EGFR: variants seen among roughly 807,000 people sequenced by gnomAD.
EGFR encodes epidermal growth factor receptor, also known as avian erythroblastic leukemia viral (v-erb-b) oncogene homolog.
A neutral mutation model predicts 143.0 loss-of-function variants in EGFR; 58 were observed. The observed-to-expected ratio is 0.41, with a 90% CI of 0.33 to 0.50. The LOEUF is 0.50. EGFR is among the 20% of genes least tolerant of loss of function. The pLI is 0.39. For missense variants in EGFR, 1,307 were observed against 1,579.0 expected, an observed-to-expected ratio of 0.83 and a Z score of 2.92; for synonymous variants, 613 against 594.4, an observed-to-expected ratio of 1.03 and a Z score of -0.45.
intron 1 of EGFR, among the ~76,000 whole-genome samples, chr7:55,020,173 T>C (rs907123349): frequency 3.3e-5 from 5 of 152,152 alleles, no homozygotes; most frequent in African/African-American, 1.2e-4. Flanking sequence ...GCCGCTCGCC[T>C]CGCCCGGTGC....
At chr7:55,056,448 A>G (rs1199450688) in intron 1 of EGFR, among the ~76,000 whole-genome samples, 1 of 152,254 alleles carries the variant, frequency 6.6e-6, no homozygotes, top group Non-Finnish European at 1.5e-5. Context: ...ATTTGAAAAT[A>G]TGATTAGAAC....
In EGFR at chr7:55,181,343, G is replaced by A. The variant is rs397517118; in HGVS notation, c.2334G>A (p.Leu778=). The change falls in exon 20 of 28, where the codon CTG becomes CTA. Residue 778 remains leucine, a synonymous_variant. Transcript: ENST00000275493. Reference sequence around the variant, plus strand: ...ACAACCCCCACGTGTGCCGCCTGCTGGGCATCTGCCTCACCTCCACCGTGC... The same window carrying A: ...ACAACCCCCACGTGTGCCGCCTGCTAGGCATCTGCCTCACCTCCACCGTGC... The part of the protein sequence containing the change: ...SVDNPHVCRL[L]GICLTSTVQL... 2.5e-6 allele frequency: 4 copies of A among 1,614,078 alleles called. No individual in the cohort carries two copies. The African/African-American group carries it at 4.0e-5, about 16-fold the overall frequency.
At chr7:55,147,764 C>G (rs1334206699) in intron 4 of EGFR, among the ~76,000 whole-genome samples, 1 of 152,240 alleles carries the variant, frequency 6.6e-6, no homozygotes, top group Non-Finnish European at 1.5e-5. Context: ...ACCCATTAGA[C>G]AGTAACTCTC....
At chr7:55,154,828 A>C (rs1178511176) in intron 7 of EGFR, among the ~76,000 whole-genome samples, 1 of 152,170 alleles carries the variant, frequency 6.6e-6, no homozygotes, top group African/African-American at 2.4e-5. Context: ...AGGGGAGATT[A>C]ACTGAGAAAA....
chr7:55,030,206 ATTGGG>A (rs143018731), intron 1 of EGFR, among the ~76,000 whole-genome samples: 2,132 of 152,292 alleles, frequency 0.014, 53 homozygotes, highest in African/African-American at 0.049. Flanking sequence ...TCAAGACGTC[ATTGGG>A]TTTTTTAGCT....
intron 1 of EGFR, among the ~76,000 whole-genome samples, chr7:55,127,583 T>C (rs1446899157): frequency 1.3e-5 from 2 of 151,762 alleles, no homozygotes; most frequent in Non-Finnish European, 2.9e-5. Flanking sequence ...GGAAAAATAA[T>C]ACGCTTTGAA....
Position 55,197,422 on chromosome 7 carries a change from G to A in EGFR, c.2702-1295G>A, listed in dbSNP as rs186710015. 1.2e-3 allele frequency among the ~76,000 whole-genome samples: 183 copies of A among 152,226 alleles called. 2 individuals carry two copies. Among genetic ancestry groups the A allele is most frequent in the African/African-American group, 4.3e-3 (180 of 41,536 alleles). On this transcript the variant is annotated intron_variant, in intron 22 of 27. Coordinates refer to ENST00000275493, the MANE Select transcript of EGFR (RefSeq NM_005228.5). Reference sequence around the variant, plus strand: ...AAGGGGTTTTGGGTCAAGACTATGGGGTTTTCTAGATATAGGATCATGTCA... The same window carrying A: ...AAGGGGTTTTGGGTCAAGACTATGGAGTTTTCTAGATATAGGATCATGTCA...
Position 55,047,619 on chromosome 7 carries a change from C to T in EGFR, c.88+28254C>T, listed in dbSNP as rs151287656. Among the ~76,000 whole-genome samples, 593 of 152,252 alleles carry T rather than the reference C, an allele frequency of 3.9e-3. 10 individuals are homozygous for T. The highest frequency in any genetic ancestry group is 0.014 in the African/African-American group (570 of 41,550). On this transcript the variant is annotated intron_variant, in intron 1 of 27. Coordinates refer to ENST00000275493, the MANE Select transcript of EGFR (RefSeq NM_005228.5). ...GCAAAAAGTTAGCCAGGCTTGGTGG[C>T]GCATGCCGGTAATCCCAGCTAGTTG...
intron 12 of EGFR, among the ~76,000 whole-genome samples, chr7:55,160,620 G>C (rs1005334330): frequency 1.3e-5 from 2 of 152,178 alleles, no homozygotes; most frequent in African/African-American, 4.8e-5. Context: ...TTACCTTTTA[G>C]TTGTAGGTCA....
At chr7:55,102,081 C>T (rs1791867455) in intron 1 of EGFR, among the ~76,000 whole-genome samples, 1 of 152,100 alleles carries the variant, frequency 6.6e-6, no homozygotes, top group African/African-American at 2.4e-5. Context: ...GCTCTGAAAA[C>T]CTCTCTGAAC....
Position 55,174,838 on chromosome 7 carries a change from T to C in EGFR, c.2283+18T>C, listed in dbSNP as rs750232629. 6.2e-7 allele frequency: 1 copy of C among 1,604,718 alleles called. No individual in the cohort carries two copies. Among genetic ancestry groups the C allele is most frequent in the Non-Finnish European group, 8.5e-7 (1 of 1,171,488 alleles). On this transcript the variant is annotated intron_variant, in intron 19 of 27. Coordinates refer to ENST00000275493, the MANE Select transcript of EGFR (RefSeq NM_005228.5). ...TCCTCGATGTGAGTTTCTGCTTTGC[T>C]GTGTGGGGGTCCATGGCTCTGAACC...
intron 17 of EGFR, 90 bp downstream of exon 17, chr7:55,173,214 A>G (rs1189895266): frequency 1.2e-5 from 18 of 1,541,668 alleles, no homozygotes; most frequent in Non-Finnish European, 1.5e-5. Context: ...GCAGTTGTGT[A>G]TGTTAGATAC....
At chr7:55,056,659 A>G (rs1788842130) in intron 1 of EGFR, among the ~76,000 whole-genome samples, 1 of 152,222 alleles carries the variant, frequency 6.6e-6, no homozygotes, top group Non-Finnish European at 1.5e-5. Flanking sequence ...CAGTCATCTC[A>G]TGGAAAATTC....
chr7:55,158,866 C>G lies in EGFR; in HGVS notation c.1298+1113C>G, dbSNP rs539238271. The stretch of plus-strand genomic sequence containing the variant: ...ATGGTATTGGTTACAGGCTCCTATG[C>G]GAGACCACTCATCTGTGTAGGAGAA... On this transcript the variant is annotated intron_variant, in intron 11 of 27. Transcript: ENST00000275493. Among the ~76,000 whole-genome samples the G allele has an allele frequency of 2.6e-5, 4 of 152,196 alleles. No individual in the cohort carries two copies. In the East Asian group the frequency reaches 7.7e-4, roughly 29 times the overall value.
rs2128926448 is a variant in EGFR at position 55,142,432 on chromosome 7, T to C, written c.235T>C (p.Leu79=). 1 of 1,614,064 alleles carries C rather than the reference T, an allele frequency of 6.2e-7. No homozygotes were observed. ...GCAGAGGAATTATGATCTTTCCTTCTTAAAGGTTGGTGACTTTGATTTTCC... is the reference window on the plus strand; with the variant it reads ...GCAGAGGAATTATGATCTTTCCTTCCTAAAGGTTGGTGACTTTGATTTTCC... ...YVQRNYDLSF[L]KTIQEVAGYV... The change falls in exon 2 of 28, where the codon TTA becomes CTA. Residue 79 remains leucine (L), a synonymous_variant. Transcript: ENST00000275493.
rs148115787 is a variant in EGFR, at chr7:55,058,538, C to T, written c.88+39173C>T. 3.8e-3 allele frequency among the ~76,000 whole-genome samples: 576 copies of T among 152,176 alleles called. 4 individuals are homozygous for T. Among genetic ancestry groups the T allele is most frequent in the African/African-American group, 0.013 (540 of 41,512 alleles). ...AATACTATGCAGCCATAAAAAAGAA[C>T]AAGATCATGTCCTTTGCGGGGACAT... On this transcript the variant is annotated intron_variant, in intron 1 of 27. Transcript: ENST00000275493.
chr7:55,096,698 C>A (rs966935295), intron 1 of EGFR, among the ~76,000 whole-genome samples: 3 of 152,134 alleles, frequency 2.0e-5, no homozygotes, highest in Non-Finnish European at 4.4e-5. Context: ...ACGTGTTGGT[C>A]CCACTGAAAA....
chr7:55,188,300 C>A (rs1320559583), intron 20 of EGFR, among the ~76,000 whole-genome samples: 6 of 152,098 alleles, frequency 3.9e-5, no homozygotes, highest in African/African-American at 1.4e-4. Flanking sequence ...TCCCGCCTCT[C>A]ACTCTGAACT....
chr7:55,039,363 T>C (rs7806790), intron 1 of EGFR, among the ~76,000 whole-genome samples: 10,384 of 152,080 alleles, frequency 0.068, 875 homozygotes, highest in African/African-American at 0.2. Context: ...GGTGGAGGAG[T>C]GCAGAGATGA....
Sources: allele counts gnomAD v4.1 joint callset (sites outside exome capture counted in the v4.1 genomes callset), GRCh38; gene constraint gnomAD v4.1.1; transcripts MANE v1.5; gene names NCBI Gene and HGNC (gene_info 2026-07-23, HGNC 2026-07-21).